The following CASS4 variants were observed in gnomAD, a reference collection of about 807,000 sequenced individuals.
CASS4 encodes the protein Cas scaffold protein family member 4.
In CASS4, 22 loss-of-function variants were observed where a neutral mutation model predicts 54.2. The ratio of observed to expected loss-of-function variants is 0.41; its 90% CI spans 0.29 to 0.58. The LOEUF is 0.58. Among genes scored for constraint, CASS4 ranks in the 20% least tolerant of loss-of-function variants. The pLI, the probability that CASS4 is intolerant of heterozygous loss-of-function variation, is 0.36. For synonymous variants in CASS4, 409 were observed against 391.5 expected (o/e 1.04, Z -0.53); for missense variants, 854 against 986.7 (o/e 0.87, Z 1.80).
chr20:56,423,037 C>T (rs1600747126), intron 1 of CASS4, among the ~76,000 whole-genome samples: 1 of 152,106 alleles, frequency 6.6e-6, no homozygotes, highest in East Asian at 1.9e-4. Context: ...GCTGGGGTGG[C>T]AGGAAGGGCA....
rs186199949 is a variant in CASS4, at chr20:56,420,438, G to A, written c.36+7944G>A. ...GGGTCTCACTTTGTCACCCAGACTG[G>A]AGTGCAGTGGCGTTATCATAGTTCA... is the stretch of plus-strand genomic sequence containing the variant. On this transcript the variant is annotated intron_variant, in intron 1 of 5. Coordinates refer to ENST00000679887, the MANE Select transcript of CASS4 (RefSeq NM_020356.4). Among the ~76,000 whole-genome samples the A allele has an allele frequency of 6.9e-3, 1,046 of 152,238 alleles. 48 individuals carry two copies. Among genetic ancestry groups the A allele is most frequent in the Admixed American group, 0.065 (988 of 15,294 alleles).
chr20:56,432,417 T>A (rs1241098981), intron 1 of CASS4, among the ~76,000 whole-genome samples: 3 of 146,774 alleles, frequency 2.0e-5, no homozygotes, highest in Non-Finnish European at 4.5e-5. Flanking sequence ...ACCCAGGCTG[T>A]AGTGCAGTGG....
rs767037963 is a variant in CASS4 at position 56,412,514 on chromosome 20, T to G, written c.36+20T>G. The stretch of plus-strand genomic sequence containing the variant: ...CCCAAGGTGAGTGATGTGGGGCTGT[T>G]TGAATGGGCTCTGGCGGGGAGCAAG... On this transcript the variant is annotated intron_variant, in intron 1 of 5. Transcript: ENST00000679887. This position sits in a 1 kb window ranked among gnomAD's most constrained non-coding sequence, Gnocchi z 4.2. The G allele has an allele frequency of 3.1e-5, 50 of 1,610,274 alleles. No homozygotes were observed. The highest frequency in any genetic ancestry group is 4.2e-5 in the Non-Finnish European group (50 of 1,178,126).
At chr20:56,443,633 C>T (rs1184314759) in intron 2 of CASS4, among the ~76,000 whole-genome samples, 1 of 151,868 alleles carries the variant, frequency 6.6e-6, no homozygotes, top group Non-Finnish European at 1.5e-5. Flanking sequence ...AGCTCACAAA[C>T]AGGAAAAGGT....
At position 56,412,783 on chromosome 20, in the gene CASS4, A is replaced by T; in HGVS notation, c.36+289A>T. ...GCGTCCAGCAAACTCCTGAAGCAAG[A>T]TGCGAGTCTGCCTCAGCCCCCGCTA... On this transcript the variant is annotated intron_variant, in intron 1 of 5. Transcript: ENST00000679887. This position sits in a 1 kb window ranked among gnomAD's most constrained non-coding sequence, Gnocchi z 4.2. Among the ~76,000 whole-genome samples, 1 of 152,192 alleles carries T rather than the reference A, an allele frequency of 6.6e-6. No individual in the cohort carries two copies. The highest frequency in any genetic ancestry group is 1.5e-5 in the Non-Finnish European group (1 of 68,036).
intron 1 of CASS4, among the ~76,000 whole-genome samples, chr20:56,425,282 G>A (rs1157025648): frequency 6.6e-6 from 1 of 152,188 alleles, no homozygotes; most frequent in East Asian, 1.9e-4. Context: ...AACACTTTGA[G>A]TCTAAACTTC....
Position 56,459,007 on chromosome 20 carries a change from A to C in CASS4, c.*260A>C, listed in dbSNP as rs1981471938. On this transcript the variant is annotated 3_prime_UTR_variant, in exon 6 of 6. Coordinates refer to ENST00000679887, the MANE Select transcript of CASS4 (RefSeq NM_020356.4). The stretch of plus-strand genomic sequence containing the variant: ...TATGGAGTATGCAGTATCAGCTTGA[A>C]GTGACTTCGCAGAAATAATATTTTA... 1 of 430,134 alleles carries C rather than the reference A, an allele frequency of 2.3e-6. No homozygotes were observed. The allele number at this position is 430,134 out of a possible 1,614,324, so 26.6% of individuals were successfully genotyped here.
Position 56,458,835 on chromosome 20 carries a change from G to A in CASS4, c.*88G>A, listed in dbSNP as rs1454033278. On this transcript the variant is annotated 3_prime_UTR_variant, in exon 6 of 6. Transcript: ENST00000679887. Reference sequence around the variant, plus strand: ...CTCTGCCCTATGGGAAAAGCCAGCCGGGGCATACACCAATGAGCTGAAACA... The same window carrying A: ...CTCTGCCCTATGGGAAAAGCCAGCCAGGGCATACACCAATGAGCTGAAACA... 4 of 1,324,428 alleles carry A rather than the reference G, an allele frequency of 3.0e-6. No homozygotes were observed. Among genetic ancestry groups the A allele is most frequent in the African/African-American group, 1.5e-5 (1 of 67,854 alleles). The allele number at this position is 1,324,428 out of a possible 1,614,324, so 82.0% of individuals were successfully genotyped here.
At chr20:56,454,383 C>A (rs558741226) in intron 5 of CASS4, among the ~76,000 whole-genome samples, 1 of 152,158 alleles carries the variant, frequency 6.6e-6, no homozygotes, top group Non-Finnish European at 1.5e-5. Context: ...GGTGTAGGAG[C>A]TTTAACATGT....
At chr20:56,418,952 G>A (rs905275682) in intron 1 of CASS4, among the ~76,000 whole-genome samples, 1 of 152,108 alleles carries the variant, frequency 6.6e-6, no homozygotes, top group African/African-American at 2.4e-5. Flanking sequence ...TGGTTCCCCT[G>A]TTTAATCACC....
intron 1 of CASS4, among the ~76,000 whole-genome samples, chr20:56,419,418 TC>T (rs1285827034): frequency 6.6e-6 from 1 of 151,878 alleles, no homozygotes; most frequent in Non-Finnish European, 1.5e-5. Flanking sequence ...TGGGAAAGCA[TC>T]CCCAGCTCTC....
chr20:56,458,661 C>T lies in CASS4; in HGVS notation c.2275C>T (p.Pro759Ser). The part of the protein sequence containing the change: ...LATKNAVLTY[P>S]SPAALGHLQA... ...CACTAAGAATGCCGTGCTCACGTAC[C>T]CCAGCCCTGCCGCGCTGGGGCACCT... The change falls in exon 6 of 6, where the codon CCC becomes TCC. Residue 759 changes from proline (P) to serine (S), a missense_variant. Transcript: ENST00000679887. 3 of 1,613,192 alleles carry T rather than the reference C, an allele frequency of 1.9e-6. No homozygotes were observed. The highest frequency in any genetic ancestry group is 2.5e-6 in the Non-Finnish European group (3 of 1,179,814).
At chr20:56,451,689 A>G (rs1430053087) in intron 4 of CASS4, 130 bp from the exon 5 acceptor site, 1 of 686,590 alleles carries the variant, frequency 1.5e-6, no homozygotes, top group South Asian at 1.9e-5. Flanking sequence ...AGAATCCTGA[A>G]GGACCTTGAG....
intron 1 of CASS4, among the ~76,000 whole-genome samples, chr20:56,416,229 T>C (rs560399532): frequency 8.4e-4 from 128 of 152,158 alleles, no homozygotes; most frequent in Non-Finnish European, 1.5e-3. Context: ...TCTGTATTTT[T>C]AGTAGAGACG....
intron 1 of CASS4, among the ~76,000 whole-genome samples, chr20:56,436,753 G>A (rs775515761): frequency 1.3e-5 from 2 of 152,018 alleles, no homozygotes; most frequent in African/African-American, 2.4e-5. Flanking sequence ...CCGGGGTGGC[G>A]GCACGCATGT....
chr20:56,450,759 C>A, intron 4 of CASS4, 80 bp downstream of exon 4: 1 of 1,360,112 alleles, frequency 7.4e-7, no homozygotes, highest in Non-Finnish European at 1.0e-6. Context: ...TGGGGCCAGG[C>A]ACGGTGGCTG....
intron 1 of CASS4, among the ~76,000 whole-genome samples, chr20:56,420,449 C>T (rs985522157): frequency 2.6e-5 from 4 of 152,014 alleles, no homozygotes; most frequent in African/African-American, 7.3e-5. Context: ...AGTGCAGTGG[C>T]GTTATCATAG....
chr20:56,413,573 T>A (rs921543891), intron 1 of CASS4, among the ~76,000 whole-genome samples: 2 of 148,090 alleles, frequency 1.4e-5, no homozygotes, highest in East Asian at 2.0e-4. Flanking sequence ...CTCGGGAGGC[T>A]GAGGCACAAG....
chr20:56,415,070 A>G (rs1484665975), intron 1 of CASS4, among the ~76,000 whole-genome samples: 7 of 152,176 alleles, frequency 4.6e-5, no homozygotes, highest in Non-Finnish European at 8.8e-5. Flanking sequence ...AATGCCAGGA[A>G]TCAACCCCAG....
Sources: allele counts gnomAD v4.1 joint callset (sites outside exome capture counted in the v4.1 genomes callset), GRCh38; gene constraint gnomAD v4.1.1; non-coding constraint Gnocchi (gnomAD v3.1); transcripts MANE v1.5; gene names NCBI Gene and HGNC (gene_info 2026-07-23, HGNC 2026-07-21).